The following MUC17 variants were observed in gnomAD, a reference collection of about 807,000 sequenced individuals.
MUC17 encodes mucin 17, cell surface associated, also known as mucin-17.
MUC17 carries 190 observed loss-of-function variants against 170.3 expected under a neutral mutation model. The observed-to-expected ratio is 1.12, with a 90% confidence interval of 0.99 to 1.26. MUC17 has a LOEUF of 1.26. Ranked by LOEUF, MUC17 falls within the 50% of genes most tolerant of loss-of-function variation. The pLI is 0.00. For missense variants in MUC17, 6,415 were observed against 5,530.0 expected, an observed-to-expected ratio of 1.16 and a Z score of -5.08; for synonymous variants, 2,325 against 2,002.5, an observed-to-expected ratio of 1.16 and a Z score of -4.30.
chr7:101,056,046 T>A (rs1795038262), intron 11 of MUC17, 148 bp from the exon 12 acceptor site: 2 of 1,124,484 alleles, frequency 1.8e-6, no homozygotes, highest in Non-Finnish European at 1.3e-6. Context: ...TCAGGTAATG[T>A]TGACAGTTTG....
chr7:101,029,081 G>A (rs916528894), intron 1 of MUC17, among the ~76,000 whole-genome samples: 4 of 151,832 alleles, frequency 2.6e-5, no homozygotes, highest in East Asian at 1.9e-4. Context: ...CCAGCTACTC[G>A]GGAGGCTGAG....
chr7:101,032,673 C>G lies in MUC17; in HGVS notation c.1257C>G (p.Asp419Glu), dbSNP rs142373606. 1 of 1,574,414 alleles carries G rather than the reference C, an allele frequency of 6.4e-7. No individual in the cohort carries two copies. The highest frequency in any genetic ancestry group is 2.4e-5 in the East Asian group (1 of 42,376). The change falls in exon 3 of 13, where the codon GAC becomes GAG. Residue 419 changes from aspartate (D) to glutamate (E), a missense_variant. Transcript: ENST00000306151. The part of the protein sequence containing the change: ...EASTTSTIPV[D>E]SKTFVTTASE... ...GCACCACTTCAACAATTCCTGTTGACTCCAAAACTTTTGTGACCACTGCTA... is the reference window on the plus strand; with the variant it reads ...GCACCACTTCAACAATTCCTGTTGAGTCCAAAACTTTTGTGACCACTGCTA...
chr7:101,049,656 C>T (rs1794901960), intron 6 of MUC17, among the ~76,000 whole-genome samples: 1 of 152,124 alleles, frequency 6.6e-6, no homozygotes, highest in Admixed American at 6.5e-5. Context: ...CATGGTCTTT[C>T]CTCTGTGCAC....
At chr7:101,051,510 C>A in intron 7 of MUC17, 103 bp from the exon 8 acceptor site, 2 of 1,125,212 alleles carry the variant, frequency 1.8e-6, no homozygotes, top group East Asian at 5.1e-5. Context: ...TCCCACCTCC[C>A]CATCGCAGCC....
At chr7:101,057,779 C>T (rs1004517552) in intron 12 of MUC17, among the ~76,000 whole-genome samples, 2 of 152,018 alleles carry the variant, frequency 1.3e-5, no homozygotes, top group African/African-American at 2.4e-5. Context: ...ACTTGGGAGG[C>T]TGAGGTGGGA....
In MUC17 at chr7:101,030,312, T is replaced by G. The variant is rs529974668; in HGVS notation, c.83-808T>G. Among the ~76,000 whole-genome samples the G allele has an allele frequency of 2.9e-3, 437 of 150,520 alleles. 4 individuals carry two copies. Among genetic ancestry groups the G allele is most frequent in the African/African-American group, 1.0e-2 (410 of 41,052 alleles). On this transcript the variant is annotated intron_variant, in intron 1 of 12. Coordinates refer to ENST00000306151, the MANE Select transcript of MUC17 (RefSeq NM_001040105.2). ...ATCTTGGCTCACTGCAACCTCTGAC[T>G]CCCAGATTCAAGCAATTCTCCTGCC...
Position 101,039,899 on chromosome 7 carries a change from G to T in MUC17, c.8483G>T (p.Gly2828Val). ...NHTPVASSEA[G>V]TLSTTPVDTS... ...ACGCCAGTGGCCAGTTCTGAGGCTG[G>T]CACCCTTTCAACAACTCCTGTTGAC... The change falls in exon 3 of 13, where the codon GGC becomes GTC. Residue 2828 changes from glycine to valine, a missense_variant. Physicochemically the swap from Gly to Val is moderately radical, Grantham distance 109 (BLOSUM62 -3). Coordinates refer to ENST00000306151, the MANE Select transcript of MUC17 (RefSeq NM_001040105.2). The T allele has an allele frequency of 6.2e-7, 1 of 1,612,788 alleles. No homozygotes were observed. Among genetic ancestry groups the T allele is most frequent in the African/African-American group, 1.3e-5 (1 of 74,704 alleles).
rs201996740 is a variant in MUC17 at position 101,048,834 on chromosome 7, A to G, written c.12536-11A>G. 9.2e-5 allele frequency: 149 copies of G among 1,613,914 alleles called. No individual in the cohort carries two copies. The East Asian group carries it at 2.9e-3, about 32-fold the overall frequency. ...CAGAGATGCTTTGCTCAGTAAGTCT[A>G]CCCGCCTCAGGGCCACCGGAGACTA... On this transcript the variant is annotated splice_polypyrimidine_tract_variant and intron_variant, in intron 4 of 12. Coordinates refer to ENST00000306151, the MANE Select transcript of MUC17 (RefSeq NM_001040105.2).
intron 9 of MUC17, 102 bp from the exon 10 acceptor site, chr7:101,052,884 C>G (rs1472575945): frequency 7.2e-7 from 1 of 1,395,218 alleles, no homozygotes; most frequent in Non-Finnish European, 9.7e-7. Flanking sequence ...GCAATCTCTT[C>G]TTGCCTCCTC....
chr7:101,052,065 A>AC, intron 9 of MUC17, 103 bp downstream of exon 9: 8 of 1,368,632 alleles, frequency 5.8e-6, no homozygotes, highest in Non-Finnish European at 7.0e-6. Context: ...AGGTCATGGG[A>AC]CTAGGTCCCA....
chr7:101,031,374 C>T (rs1249136946), intron 2 of MUC17, among the ~76,000 whole-genome samples, 153 bp downstream of exon 2: 1 of 152,142 alleles, frequency 6.6e-6, no homozygotes, highest in African/African-American at 2.4e-5. Context: ...TGTGGAATCA[C>T]CCAGGCAGGG....
In MUC17 at chr7:101,042,219, T is replaced by C; in HGVS notation, c.10803T>C (p.Val3601=). Residue 3601 remains valine (V), a synonymous_variant, in exon 3 of 13, where the codon GTT becomes GTC. Transcript: ENST00000306151. ...SEASTPSTPS[V]DRSTPVTTST... ...CTAGCACACCTTCCACTCCTTCTGT[T>C]GACAGAAGCACACCTGTGACCACTT... 1 of 1,614,184 alleles carries C rather than the reference T, an allele frequency of 6.2e-7. No homozygotes were observed. The highest frequency in any genetic ancestry group is 8.5e-7 in the Non-Finnish European group (1 of 1,180,024).
At position 101,042,731 on chromosome 7, in the gene MUC17, G is replaced by A. The variant is rs1343109883; in HGVS notation, c.11315G>A (p.Ser3772Asn). 2 of 1,613,726 alleles carry A rather than the reference G, an allele frequency of 1.2e-6. No homozygotes were observed. Among genetic ancestry groups the A allele is most frequent in the Non-Finnish European group, 8.5e-7 (1 of 1,180,000 alleles). The part of the protein sequence containing the change: ...TTPVTRFPES[S>N]TPSIPSVYTS... Reference sequence around the variant, plus strand: ...CCTGTTACGAGGTTTCCTGAGAGTAGCACCCCTTCCATACCATCTGTTTAC... The same window carrying A: ...CCTGTTACGAGGTTTCCTGAGAGTAACACCCCTTCCATACCATCTGTTTAC... The change falls in exon 3 of 13, where the codon AGC (serine) becomes AAC (asparagine). Residue 3772 changes from serine to asparagine, a missense_variant. By Grantham distance (46) the Ser-to-Asn change is conservative (BLOSUM62 1). Transcript: ENST00000306151.
rs927198601 is a variant in MUC17 at position 101,039,871 on chromosome 7, C to T, written c.8455C>T (p.His2819Tyr). 1.3e-6 allele frequency: 2 copies of T among 1,596,978 alleles called. No individual in the cohort carries two copies. The highest frequency in any genetic ancestry group is 1.7e-6 in the Non-Finnish European group (2 of 1,172,762). The part of the protein sequence containing the change: ...STPLTSMPVN[H>Y]TPVASSEAGT... ...TCCATTAACTAGTATGCCTGTCAAC[C>T]ACACGCCAGTGGCCAGTTCTGAGGC... Residue 2819 changes from histidine (H) to tyrosine (Y), a missense_variant, in exon 3 of 13, where the codon CAC becomes TAC. Coordinates refer to ENST00000306151, the MANE Select transcript of MUC17 (RefSeq NM_001040105.2).
In MUC17 at chr7:101,035,230, A is replaced by T. The variant is rs1368851931; in HGVS notation, c.3814A>T (p.Thr1272Ser). The T allele has an allele frequency of 6.2e-7, 1 of 1,608,820 alleles. No individual in the cohort carries two copies. The highest frequency in any genetic ancestry group is 1.3e-5 in the African/African-American group (1 of 74,480). ...TGAAGGTACCAGCTTGCCAACCTCA[A>T]CTACTAGTGAAGGAAGTACTCTATT... ...TAEGTSLPTSTTSEGSTLLTS... is the reference protein window; with the variant it reads ...TAEGTSLPTSSTSEGSTLLTS... Residue 1272 changes from threonine to serine, a missense_variant, in exon 3 of 13, where the codon ACT becomes TCT. Coordinates refer to ENST00000306151, the MANE Select transcript of MUC17 (RefSeq NM_001040105.2).
In MUC17 at chr7:101,038,070, A is replaced by C. The variant is rs146364763; in HGVS notation, c.6654A>C (p.Gly2218=). 3 of 1,406,680 alleles carry C rather than the reference A, an allele frequency of 2.1e-6. No individual in the cohort carries two copies. In the African/African-American group the frequency reaches 4.4e-5, roughly 20 times the overall value. 87.1% of individuals were successfully genotyped at this position (1,406,680 alleles called of 1,614,324 possible). The part of the protein sequence containing the change: ...TSMPTSTPSE[G]STPFTSMPVS... ...TGCCAACCTCAACTCCTAGTGAAGG[A>C]AGCACTCCATTCACAAGTATGCCTG... The change falls in exon 3 of 13, where the codon GGA becomes GGC. Residue 2218 remains glycine (G), a synonymous_variant. Coordinates refer to ENST00000306151, the MANE Select transcript of MUC17 (RefSeq NM_001040105.2).
In MUC17 at chr7:101,057,990, T is replaced by C; in HGVS notation, c.13441-13T>C. On this transcript the variant is annotated splice_polypyrimidine_tract_variant and intron_variant, in intron 12 of 12. Transcript: ENST00000306151. ...TGGGCTGAGCCCTCACTTGGTTTTA[T>C]CTCTCTTTTCAGATCCGAATTCAGA... The C allele has an allele frequency of 6.2e-7, 1 of 1,613,590 alleles. No homozygotes were observed. Among genetic ancestry groups the C allele is most frequent in the Non-Finnish European group, 8.5e-7 (1 of 1,179,564 alleles).
chr7:101,056,094 GA>G lies in MUC17; in HGVS notation c.13364-95del, dbSNP rs1795038685. ...GGGTTTGCAGTTTCCTAGGGGTAGA[GA>G]AAAACTGTCTCATCCTCCATCAGAT... On this transcript the variant is annotated intron_variant, in intron 11 of 12. Coordinates refer to ENST00000306151, the MANE Select transcript of MUC17 (RefSeq NM_001040105.2). 1.9e-5 allele frequency: 29 copies of G among 1,547,526 alleles called. 1 individual carries two copies. The South Asian group carries it at 3.3e-4, about 18-fold the overall frequency.
chr7:101,023,970 T>A (rs1332477637), intron 1 of MUC17, among the ~76,000 whole-genome samples: 1 of 152,208 alleles, frequency 6.6e-6, no homozygotes, highest in Non-Finnish European at 1.5e-5. Context: ...TCAATTTGCA[T>A]CTCCCTGATG....
Sources: gnomAD v4.1 joint callset for allele counts (sites outside exome capture counted in the v4.1 genomes callset) on GRCh38, gnomAD v4.1.1 for gene constraint, MANE v1.5 for transcripts, NCBI Gene and HGNC (gene_info 2026-07-23, HGNC 2026-07-21) for gene names.